Variants in ZEB2 observed in about 807,000 individuals in gnomAD.
ZEB2 encodes zinc finger E-box binding homeobox 2.
ZEB2 carries 6 observed loss-of-function variants against 99.9 expected under a neutral mutation model. The ratio of observed to expected loss-of-function variants is 0.06; its 90% CI spans 0.03 to 0.12. The LOEUF (loss-of-function observed/expected upper bound fraction) is 0.12, where lower values mean the gene tolerates loss of function less well. Ranked by LOEUF, ZEB2 falls within the 10% of genes least tolerant of loss-of-function variation. The pLI, the probability that ZEB2 is intolerant of heterozygous loss-of-function variation, is 1.00. For missense variants in ZEB2, 969 were observed against 1,502.8 expected (o/e 0.64, Z 5.87); for synonymous variants, 517 against 542.5 (o/e 0.95, Z 0.65).
intron 4 of ZEB2, among the ~76,000 whole-genome samples, chr2:144,414,419 T>G (rs1703508147): frequency 6.6e-6 from 1 of 152,160 alleles, no homozygotes; most frequent in African/African-American, 2.4e-5. Context: ...CTGGGCCCTG[T>G]GCGACTGTGC....
chr2:144,502,905 T>C (rs1019327290), intron 2 of ZEB2, among the ~76,000 whole-genome samples: 82 of 152,292 alleles, frequency 5.4e-4, no homozygotes, highest in African/African-American at 1.9e-3. Flanking sequence ...GGTATTCTTA[T>C]AGGCTTTCTT....
At chr2:144,506,233 C>T (rs1202259420) in intron 2 of ZEB2, among the ~76,000 whole-genome samples, 1 of 152,126 alleles carries the variant, frequency 6.6e-6, no homozygotes, top group Non-Finnish European at 1.5e-5. Context: ...AGCTAGATGA[C>T]TGTAGTGAAA....
At chr2:144,395,876 G>A (rs1703222521) in intron 9 of ZEB2, among the ~76,000 whole-genome samples, 1 of 151,908 alleles carries the variant, frequency 6.6e-6, no homozygotes, top group Non-Finnish European at 1.5e-5. Context: ...AATATAGGTG[G>A]TTTCAAGTAG....
intron 2 of ZEB2, among the ~76,000 whole-genome samples, chr2:144,469,402 G>A (rs968345601): frequency 2.0e-5 from 3 of 152,104 alleles, no homozygotes; most frequent in Non-Finnish European, 4.4e-5. Flanking sequence ...ATTTTTGACT[G>A]ATATAAATAC....
intron 2 of ZEB2, among the ~76,000 whole-genome samples, chr2:144,484,042 T>C (rs940531081): frequency 6.6e-6 from 1 of 152,130 alleles, no homozygotes; most frequent in African/African-American, 2.4e-5. Flanking sequence ...CACTCAAATG[T>C]CTACACAGGC....
At chr2:144,511,354 T>G in intron 2 of ZEB2, 1 of 1,156,628 alleles carries the variant, frequency 8.6e-7, no homozygotes, top group Non-Finnish European at 1.1e-6. Flanking sequence ...AACACACACA[T>G]GCACATACAC....
chr2:144,498,357 G>A (rs1211393960), intron 2 of ZEB2, among the ~76,000 whole-genome samples: 3 of 150,912 alleles, frequency 2.0e-5, no homozygotes, highest in South Asian at 2.1e-4. Context: ...CCTGGAGCAC[G>A]TCATAATACC....
chr2:144,447,119 A>G (rs1389805363), intron 2 of ZEB2, among the ~76,000 whole-genome samples: 1 of 152,130 alleles, frequency 6.6e-6, no homozygotes, highest in Non-Finnish European at 1.5e-5. Context: ...ACCAGTGATC[A>G]TATTTCTTTA....
intron 2 of ZEB2, chr2:144,497,907 ATATATAT>A (rs1447371072): frequency 4.0e-5 from 1 of 24,878 alleles, no homozygotes; most frequent in African/African-American, 2.1e-4. Context: ...CATTCTCAAC[ATATATAT>A]TATATATTAT....
intron 2 of ZEB2, among the ~76,000 whole-genome samples, chr2:144,458,718 T>C (rs923323235): frequency 6.6e-6 from 1 of 152,194 alleles, no homozygotes; most frequent in African/African-American, 2.4e-5. Flanking sequence ...AATTTATGCA[T>C]ACTTTCACTT....
chr2:144,490,192 C>T (rs1704656560), intron 2 of ZEB2, among the ~76,000 whole-genome samples: 1 of 152,150 alleles, frequency 6.6e-6, no homozygotes, highest in Non-Finnish European at 1.5e-5. Flanking sequence ...GTTCAAATCC[C>T]ACCACTGTCA....
chr2:144,474,449 A>G (rs1021340263), intron 2 of ZEB2, among the ~76,000 whole-genome samples: 1 of 152,130 alleles, frequency 6.6e-6, no homozygotes, highest in African/African-American at 2.4e-5. Flanking sequence ...AAAGCAAATC[A>G]TTTTGCCTAC....
chr2:144,437,039 C>T (rs1464659416), intron 2 of ZEB2, among the ~76,000 whole-genome samples: 1 of 152,124 alleles, frequency 6.6e-6, no homozygotes, highest in Non-Finnish European at 1.5e-5. Context: ...TTAACTCCTA[C>T]CAAAGGAAAC....
intron 2 of ZEB2, among the ~76,000 whole-genome samples, chr2:144,440,538 T>A (rs1375451640): frequency 7.6e-6 from 1 of 131,772 alleles, no homozygotes; most frequent in Admixed American, 7.8e-5. Flanking sequence ...TTTTTTTTTT[T>A]TTTTAACTAG....
At chr2:144,468,072 C>T (rs143344535) in intron 2 of ZEB2, among the ~76,000 whole-genome samples, 1 of 152,062 alleles carries the variant, frequency 6.6e-6, no homozygotes, top group Admixed American at 6.6e-5. Flanking sequence ...TTTGGAAGAT[C>T]TGGGTTGGGG....
At chr2:144,438,223 T>C (rs191369034) in intron 2 of ZEB2, among the ~76,000 whole-genome samples, 2 of 152,330 alleles carry the variant, frequency 1.3e-5, no homozygotes, top group African/African-American at 4.8e-5. Flanking sequence ...GTGACTTTCT[T>C]GGTTTTCTGC....
chr2:144,414,721 C>A (rs1409158717), intron 4 of ZEB2, among the ~76,000 whole-genome samples: 2 of 152,144 alleles, frequency 1.3e-5, no homozygotes, highest in Non-Finnish European at 2.9e-5. Context: ...ACTCTTCACC[C>A]ACTGCTCTTT....
intron 4 of ZEB2, among the ~76,000 whole-genome samples, chr2:144,411,029 G>T (rs1703452802): frequency 9.7e-6 from 1 of 103,020 alleles, no homozygotes; most frequent in Non-Finnish European, 1.9e-5. Context: ...ACACATAATG[G>T]TTGTGATTCT....
At chr2:144,463,806 C>G (rs547430668) in intron 2 of ZEB2, 39 of 151,834 alleles carry the variant, frequency 2.6e-4, no homozygotes, top group African/African-American at 8.9e-4. Context: ...GCACTCCAGC[C>G]TGGGTGCCAG....
Sources: allele counts gnomAD v4.1 joint callset (sites outside exome capture counted in the v4.1 genomes callset), GRCh38; gene constraint gnomAD v4.1.1; transcripts MANE v1.5; gene names NCBI Gene and HGNC (gene_info 2026-07-23, HGNC 2026-07-21).